The following SOX13 variants were observed in gnomAD, a reference collection of about 807,000 sequenced individuals.
SOX13 encodes SRY-box transcription factor 13.
A neutral mutation model predicts 71.8 loss-of-function variants in SOX13; 28 were observed. The ratio of observed to expected loss-of-function variants is 0.39; its 90% CI spans 0.29 to 0.53. SOX13 has a LOEUF of 0.53. Ranked by LOEUF, SOX13 falls within the 20% of genes least tolerant of loss-of-function variation. The pLI, the probability that SOX13 is intolerant of heterozygous loss-of-function variation, is 0.70. For missense variants in SOX13, 627 were observed against 810.3 expected, an observed-to-expected ratio of 0.77 and a Z score of 2.75; for synonymous variants, 309 against 317.8, an observed-to-expected ratio of 0.97 and a Z score of 0.29.
intron 4 of SOX13, 29 bp downstream of exon 4, chr1:204,114,634 G>C (rs1355593033): frequency 6.6e-7 from 1 of 1,525,788 alleles, no homozygotes; most frequent in Non-Finnish European, 9.1e-7. Flanking sequence ...TGGGGGAGAT[G>C]TTTGAACCCC....
At chr1:204,090,651 TC>T (rs1341684611) in intron 1 of SOX13, among the ~76,000 whole-genome samples, 2 of 152,144 alleles carry the variant, frequency 1.3e-5, no homozygotes, top group Non-Finnish European at 2.9e-5. Context: ...CCTCAAGTGA[TC>T]CACCCGCCTG....
intron 4 of SOX13, among the ~76,000 whole-genome samples, chr1:204,115,719 C>T (rs1200288031): frequency 9.7e-5 from 12 of 123,512 alleles, no homozygotes; most frequent in African/African-American, 2.5e-4. Flanking sequence ...CAGGCTGGAG[C>T]GTAGTGGTGT....
Position 204,089,407 on chromosome 1 carries a change from C to T in SOX13, c.-2+15696C>T, listed in dbSNP as rs372055522. Among the ~76,000 whole-genome samples, 12 of 152,314 alleles carry T rather than the reference C, an allele frequency of 7.9e-5. No individual in the cohort carries two copies. The South Asian group carries it at 8.3e-4, about 11-fold the overall frequency. On this transcript the variant is annotated intron_variant, in intron 1 of 13. Transcript: ENST00000367204. Reference sequence around the variant, plus strand: ...GCTTCCCTCCCACTCTCATGCCCGCCGGCCTCAGGGTCCAGATTTCTCTCT... The same window carrying T: ...GCTTCCCTCCCACTCTCATGCCCGCTGGCCTCAGGGTCCAGATTTCTCTCT...
chr1:204,105,037 G>A (rs1017384809), intron 1 of SOX13, among the ~76,000 whole-genome samples: 1 of 152,150 alleles, frequency 6.6e-6, no homozygotes, highest in African/African-American at 2.4e-5. Context: ...GACAGGGCTG[G>A]TTGTGGGGAG....
At chr1:204,101,729 A>G (rs1656365305) in intron 1 of SOX13, among the ~76,000 whole-genome samples, 1 of 152,050 alleles carries the variant, frequency 6.6e-6, no homozygotes, top group Non-Finnish European at 1.5e-5. Flanking sequence ...ATTTCAGACA[A>G]TGAATCTGAG....
At chr1:204,109,922 G>A (rs889561220) in intron 1 of SOX13, among the ~76,000 whole-genome samples, 4 of 151,636 alleles carry the variant, frequency 2.6e-5, no homozygotes, top group African/African-American at 7.3e-5. Flanking sequence ...AACCTCCACC[G>A]CCCGGGTTCA....
intron 1 of SOX13, among the ~76,000 whole-genome samples, chr1:204,103,295 A>G (rs1656396764): frequency 6.6e-6 from 1 of 152,196 alleles, no homozygotes; most frequent in African/African-American, 2.4e-5. Context: ...GTAAGAGGTG[A>G]AGACAGTGGC....
intron 1 of SOX13, among the ~76,000 whole-genome samples, chr1:204,104,032 GTC>G (rs768641852): frequency 4.6e-5 from 7 of 152,226 alleles, no homozygotes; most frequent in Non-Finnish European, 1.0e-4. Flanking sequence ...CACAGCTACA[GTC>G]TCTCCCTGGC....
intron 1 of SOX13, 68 bp from the exon 2 acceptor site, chr1:204,112,847 G>C: frequency 7.4e-7 from 1 of 1,359,300 alleles, no homozygotes; most frequent in Non-Finnish European, 1.0e-6. Flanking sequence ...GCAAACAGTA[G>C]GGTCACTGCC....
At chr1:204,074,952 CGCTGGCGCTGGT>C (rs1331055834) in intron 1 of SOX13, among the ~76,000 whole-genome samples, 2 of 151,528 alleles carry the variant, frequency 1.3e-5, no homozygotes, top group Non-Finnish European at 2.9e-5. Flanking sequence ...CTGGCGCTGG[CGCTGGCGCTGGT>C]GAAGGGGTCT....
intron 7 of SOX13, among the ~76,000 whole-genome samples, chr1:204,120,552 C>T (rs1275227665): frequency 7.9e-5 from 12 of 152,262 alleles, no homozygotes; most frequent in Admixed American, 7.2e-4. Context: ...CCTCGGCCTT[C>T]ATGGGCCTCG....
chr1:204,084,161 C>T (rs1327165052), intron 1 of SOX13, among the ~76,000 whole-genome samples: 1 of 152,186 alleles, frequency 6.6e-6, no homozygotes, highest in African/African-American at 2.4e-5. Context: ...TATTCAGCTA[C>T]AAGTCGTGTG....
In SOX13 at chr1:204,116,641, C is replaced by G. The variant is rs1352328494; in HGVS notation, c.553C>G (p.Gln185Glu). The G allele has an allele frequency of 6.2e-7, 1 of 1,613,856 alleles. No homozygotes were observed. ...GGCTGCCATGCTGTTTGAGAAGCAG[C>G]AGCAGCAGATGGAGCTTGCCCGGCA... ...NMAAMLFEKQ[Q>E]QQMELARQQQ... The change falls in exon 5 of 14, where the codon CAG (glutamine) becomes GAG (glutamate). Residue 185 changes from glutamine (Q) to glutamate (E), a missense_variant. This residue lies in a region of SOX13 where 447 missense variants were observed against 532.2 expected (regional missense o/e 0.84). Coordinates refer to ENST00000367204, the MANE Select transcript of SOX13 (RefSeq NM_005686.3).
intron 1 of SOX13, among the ~76,000 whole-genome samples, chr1:204,096,135 G>A (rs1441857193): frequency 6.6e-6 from 1 of 151,490 alleles, no homozygotes; most frequent in East Asian, 1.9e-4. Flanking sequence ...AGTTTTGGGG[G>A]TATATCCCCA....
chr1:204,125,093 G>A (rs1041489186), intron 13 of SOX13, among the ~76,000 whole-genome samples: 4 of 152,154 alleles, frequency 2.6e-5, no homozygotes, highest in African/African-American at 9.7e-5. Flanking sequence ...GAATGTGACT[G>A]GAGGACTGGC....
In SOX13 at chr1:204,123,626, C is replaced by T; in HGVS notation, c.1232-35C>T. On this transcript the variant is annotated intron_variant, in intron 11 of 13. Transcript: ENST00000367204. This position sits in a 1 kb window ranked among gnomAD's most constrained non-coding sequence, Gnocchi z 5.0. ...CCTGGGGCACTCTCCTGACCCCAGA[C>T]AGGCTGCTTGGCTGACTTCACTCCT... 2 of 1,605,524 alleles carry T rather than the reference C, an allele frequency of 1.2e-6. No homozygotes were observed. The highest frequency in any genetic ancestry group is 1.1e-5 in the South Asian group (1 of 90,430).
intron 7 of SOX13, 193 bp downstream of exon 7, chr1:204,117,900 A>G (rs1656726869): frequency 1.7e-6 from 1 of 591,368 alleles, no homozygotes; most frequent in African/African-American, 1.9e-5. Flanking sequence ...TGGGAGAATG[A>G]AAAACCATAA....
chr1:204,116,433 T>C, intron 4 of SOX13, 74 bp from the exon 5 acceptor site: 2 of 1,612,560 alleles, frequency 1.2e-6, no homozygotes. Flanking sequence ...TTCTGATGGA[T>C]GGGTGGATAG....
intron 1 of SOX13, among the ~76,000 whole-genome samples, chr1:204,091,463 T>G (rs76127600): frequency 0.022 from 3,354 of 152,324 alleles, 56 homozygotes; most frequent in Non-Finnish European, 0.032. Context: ...ATCCAATGGA[T>G]AAGCTTTACC....
Sources: allele counts gnomAD v4.1 joint callset (sites outside exome capture counted in the v4.1 genomes callset), GRCh38; gene constraint gnomAD v4.1.1; regional missense constraint gnomAD v4.1.1; non-coding constraint Gnocchi (gnomAD v3.1); transcripts MANE v1.5; gene names NCBI Gene and HGNC (gene_info 2026-07-23, HGNC 2026-07-21).